DOCK4: variants seen among roughly 807,000 people sequenced by gnomAD.
DOCK4 encodes the protein dedicator of cytokinesis protein 4.
In DOCK4, 97 loss-of-function variants were observed where a neutral mutation model predicts 268.1. The ratio of observed to expected loss-of-function variants is 0.36; its 90% CI spans 0.31 to 0.43. The LOEUF (loss-of-function observed/expected upper bound fraction) is 0.43. DOCK4 is among the 20% of genes least tolerant of loss of function. DOCK4 has a pLI of 1.00. For missense variants in DOCK4, 2,145 were observed against 2,455.7 expected (o/e 0.87, Z 2.67); for synonymous variants, 954 against 887.2 (o/e 1.08, Z -1.34).
At chr7:112,075,036 T>C (rs1807937507) in intron 1 of DOCK4, among the ~76,000 whole-genome samples, 1 of 152,202 alleles carries the variant, frequency 6.6e-6, no homozygotes, top group Non-Finnish European at 1.5e-5. Context: ...ATTCTTTATA[T>C]TGATGTATCT....
chr7:111,979,750 A>T (rs536647491), intron 7 of DOCK4, among the ~76,000 whole-genome samples: 156 of 152,334 alleles, frequency 1.0e-3, no homozygotes, highest in Non-Finnish European at 1.2e-3. Context: ...TCCTCTCTTA[A>T]CCTCAAATAG....
chr7:111,918,009 AG>A (rs1254820673), intron 12 of DOCK4, among the ~76,000 whole-genome samples: 2 of 152,212 alleles, frequency 1.3e-5, no homozygotes, highest in Non-Finnish European at 2.9e-5. Context: ...TAACAATGAA[AG>A]TAGCGTTTTT....
chr7:111,894,823 C>T (rs1808603031), intron 16 of DOCK4, among the ~76,000 whole-genome samples: 2 of 152,126 alleles, frequency 1.3e-5, no homozygotes, highest in African/African-American at 4.8e-5. Context: ...TTGAATGGGT[C>T]TTAAGCTGGG....
In DOCK4 at chr7:111,977,206, G is replaced by C. The variant is rs767956900; in HGVS notation, c.627C>G (p.Leu209=). The change falls in exon 8 of 53, where the codon CTC becomes CTG. Residue 209 remains leucine (L), a synonymous_variant. Transcript: ENST00000428084. The stretch of plus-strand genomic sequence containing the variant: ...GCTCCTCTCCCAGGTTGGAACACAT[G>C]AGGCTCTTCATCTGGACAAAGAGGT... The part of the protein sequence containing the change: ...SHHLFVQMKS[L]MCSNLGEELE... The C allele has an allele frequency of 3.1e-6, 5 of 1,612,100 alleles. No homozygotes were observed. Among genetic ancestry groups the C allele is most frequent in the Non-Finnish European group, 4.2e-6 (5 of 1,179,236 alleles).
intron 1 of DOCK4, among the ~76,000 whole-genome samples, chr7:112,137,048 G>A (rs935322183): frequency 3.3e-5 from 5 of 152,174 alleles, no homozygotes; most frequent in African/African-American, 7.2e-5. Flanking sequence ...TACCAACCAC[G>A]TTTAGAATGC....
Position 111,765,051 on chromosome 7 carries a change from C to T in DOCK4, c.4020+67G>A. On this transcript the variant is annotated intron_variant, in intron 39 of 52. Coordinates refer to ENST00000428084, the MANE Select transcript of DOCK4 (RefSeq NM_001363540.2). Reference sequence around the variant, plus strand: ...CTGTCATATAAAATGTCATTAACATCTTAGTTTTCTTGATTGGGATATCTA... The same window carrying T: ...CTGTCATATAAAATGTCATTAACATTTTAGTTTTCTTGATTGGGATATCTA... The T allele has an allele frequency of 2.8e-6, 2 of 712,904 alleles. 1 individual carries two copies. Among genetic ancestry groups the T allele is most frequent in the Non-Finnish European group, 4.3e-6 (2 of 461,020 alleles). 44.2% of individuals were successfully genotyped at this position (712,904 alleles called of 1,614,324 possible).
At position 111,769,626 on chromosome 7, in the gene DOCK4, C is replaced by A; in HGVS notation, c.3731G>T (p.Arg1244Leu). 6.2e-7 allele frequency: 1 copy of A among 1,613,710 alleles called. No individual in the cohort carries two copies. Among genetic ancestry groups the A allele is most frequent in the East Asian group, 2.2e-5 (1 of 44,846 alleles). The change falls in exon 37 of 53, where the codon CGG becomes CTG. Residue 1244 changes from arginine (R) to leucine (L), a missense_variant. Arg to Leu is a moderately radical substitution (Grantham distance 102). Around this residue, in one of 2 missense-constraint regions of DOCK4, gnomAD observed 1,598 missense variants for 1,986.7 expected, o/e 0.80. Coordinates refer to ENST00000428084, the MANE Select transcript of DOCK4 (RefSeq NM_001363540.2). ...GTAGGTCAGGAACTCCCTGAGGGGC[C>A]GATCAGACCATTCCAGTAGCTCGTC... Reference protein sequence around the residue: ...LYDELLEWSDRPLREFLTYPM... With the variant: ...LYDELLEWSDLPLREFLTYPM...
chr7:111,945,261 C>T (rs547543500), intron 9 of DOCK4, among the ~76,000 whole-genome samples: 40 of 152,358 alleles, frequency 2.6e-4, no homozygotes, highest in African/African-American at 9.4e-4. Flanking sequence ...TCTCAGCTCA[C>T]TGCAACCTCT....
At chr7:112,149,601 G>A (rs1402193568) in intron 1 of DOCK4, among the ~76,000 whole-genome samples, 1 of 151,872 alleles carries the variant, frequency 6.6e-6, no homozygotes, top group African/African-American at 2.4e-5. Flanking sequence ...TCAAAGAAGA[G>A]AAGATCAACC....
chr7:112,134,615 C>T (rs1288731999), intron 1 of DOCK4, among the ~76,000 whole-genome samples: 3 of 152,130 alleles, frequency 2.0e-5, no homozygotes, highest in Admixed American at 2.0e-4. Context: ...ACTCAGGAGG[C>T]TGAGGCAGGA....
Position 111,767,075 on chromosome 7 carries a change from T to G in DOCK4, c.3872A>C (p.Gln1291Pro). 1 of 1,613,880 alleles carries G rather than the reference T, an allele frequency of 6.2e-7. No individual in the cohort carries two copies. The highest frequency in any genetic ancestry group is 8.5e-7 in the Non-Finnish European group (1 of 1,179,836). The change falls in exon 38 of 53, where the codon CAG (glutamine) becomes CCG (proline). Residue 1291 changes from glutamine to proline, a missense_variant. Physicochemically the swap from Gln to Pro is moderately conservative, Grantham distance 76. Transcript: ENST00000428084. ...TCTGTAGTCATAATAACTCTCATACTGCTCTGCAATCTTCCGGCACAAGAT... is the reference window on the plus strand; with the variant it reads ...TCTGTAGTCATAATAACTCTCATACGGCTCTGCAATCTTCCGGCACAAGAT... ...GIILCRKIAE[Q>P]YESYYDYRNL...
At chr7:111,944,694 A>G in intron 10 of DOCK4, 117 bp downstream of exon 10, 1 of 1,011,232 alleles carries the variant, frequency 9.9e-7, no homozygotes, top group Non-Finnish European at 1.5e-6. Context: ...TTGGATTCAA[A>G]TCTGGCTTTG....
chr7:111,871,932 G>T, intron 20 of DOCK4, 58 bp downstream of exon 20: 1 of 1,377,304 alleles, frequency 7.3e-7, no homozygotes, highest in Non-Finnish European at 9.8e-7. Context: ...CGCCTCTTCT[G>T]CTGAGAAAAG....
At chr7:111,779,086 A>C (rs1033923049) in intron 35 of DOCK4, among the ~76,000 whole-genome samples, 3 of 151,926 alleles carry the variant, frequency 2.0e-5, no homozygotes, top group Non-Finnish European at 2.9e-5. Context: ...TAAAAAAAAA[A>C]AATAAAAAGC....
At chr7:111,851,280 T>C (rs948611447) in intron 23 of DOCK4, among the ~76,000 whole-genome samples, 1 of 151,898 alleles carries the variant, frequency 6.6e-6, no homozygotes, top group African/African-American at 2.4e-5. Context: ...CCGTCTCTAC[T>C]AAAAATACAA....
At chr7:112,206,019 C>T in intron 1 of DOCK4, 83 bp downstream of exon 1, 2 of 1,465,810 alleles carry the variant, frequency 1.4e-6, no homozygotes, top group Admixed American at 2.0e-5. Flanking sequence ...CCGGGCGGAG[C>T]GAGAGGGGCG....
chr7:111,907,873 C>T (rs148874254), intron 13 of DOCK4, among the ~76,000 whole-genome samples: 9,655 of 152,030 alleles, frequency 0.064, 340 homozygotes, highest in Middle Eastern at 0.1. Context: ...GGACTGCAGG[C>T]GCACGCCACC....
intron 1 of DOCK4, among the ~76,000 whole-genome samples, chr7:112,181,308 T>C (rs1016062251): frequency 3.3e-5 from 5 of 152,168 alleles, no homozygotes; most frequent in African/African-American, 1.2e-4. Context: ...TATATGATTG[T>C]ATATATTTAC....
chr7:111,962,911 T>C (rs929086532), intron 8 of DOCK4, among the ~76,000 whole-genome samples: 2 of 152,174 alleles, frequency 1.3e-5, no homozygotes, highest in African/African-American at 4.8e-5. Flanking sequence ...TTTCCAGAAG[T>C]ACTACCCTGG....
Sources: allele counts gnomAD v4.1 joint callset (sites outside exome capture counted in the v4.1 genomes callset), GRCh38; gene constraint gnomAD v4.1.1; regional missense constraint gnomAD v4.1.1; transcripts MANE v1.5; gene names NCBI Gene and HGNC (gene_info 2026-07-23, HGNC 2026-07-21).